DOP1A: variants seen among roughly 807,000 people sequenced by gnomAD.
DOP1A encodes the protein DOP1 leucine zipper like protein A.
Under a neutral mutation model 267.6 loss-of-function variants are expected in DOP1A, and 90 were observed. The observed-to-expected ratio is 0.34, with a 90% CI of 0.28 to 0.40. The LOEUF is 0.40. Ranked by LOEUF, DOP1A falls within the 10% of genes least tolerant of loss-of-function variation. DOP1A has a pLI of 1.00. For synonymous variants in DOP1A, 932 were observed against 999.1 expected, an observed-to-expected ratio of 0.93 and a Z score of 1.27; for missense variants, 2,437 against 2,900.4, an observed-to-expected ratio of 0.84 and a Z score of 3.67.
intron 3 of DOP1A, among the ~76,000 whole-genome samples, chr6:83,099,737 C>T (rs186462193): frequency 4.0e-5 from 6 of 148,700 alleles, no homozygotes; most frequent in East Asian, 2.0e-4. Context: ...TATATACACA[C>T]GTATACATAT....
At chr6:83,169,138 CA>C, downstream of DOP1A, 1 of 1,546,056 alleles carries the variant, frequency 6.5e-7, no homozygotes, top group East Asian at 2.4e-5. Context: ...GCATTGTAAA[CA>C]TTATGATTAT....
chr6:83,067,874 C>G (rs919071890), intron 1 of DOP1A, 95 bp downstream of exon 1: 1 of 152,352 alleles, frequency 6.6e-6, no homozygotes, highest in African/African-American at 2.4e-5. Flanking sequence ...GCGGGGACGC[C>G]TTGCGAGTCT....
intron 36 of DOP1A, 144 bp downstream of exon 36, chr6:83,158,766 GT>G: frequency 1.5e-6 from 1 of 663,688 alleles, no homozygotes; most frequent in Non-Finnish European, 2.5e-6. Context: ...ATATAATGTA[GT>G]TTTACTTATT....
rs111900417 is a variant in DOP1A, at chr6:83,153,778, C to T, written c.6240-116C>T. On this transcript the variant is annotated intron_variant, in intron 31 of 38. Coordinates refer to ENST00000349129, the MANE Select transcript of DOP1A (RefSeq NM_015018.4). Reference sequence around the variant, plus strand: ...TTCATATATTATTTTTCTTATGGTGCTTTCTATTTCATATCTTCATGTCAC... The same window carrying T: ...TTCATATATTATTTTTCTTATGGTGTTTTCTATTTCATATCTTCATGTCAC... 1.1e-4 allele frequency: 138 copies of T among 1,221,398 alleles called. No homozygotes were observed. The African/African-American group carries it at 1.2e-3, about 10-fold the overall frequency. The allele number at this position is 1,221,398 out of a possible 1,614,324, so 75.7% of individuals were successfully genotyped here.
intron 26 of DOP1A, 41 bp downstream of exon 26, chr6:83,147,332 G>A (rs1411708239): frequency 9.6e-7 from 1 of 1,041,742 alleles, no homozygotes; most frequent in Non-Finnish European, 1.4e-6. Flanking sequence ...TATGTTGCTA[G>A]AAACAGAGAA....
At chr6:83,088,871 AATGGTT>A (rs1769808773) in intron 1 of DOP1A, among the ~76,000 whole-genome samples, 1 of 152,196 alleles carries the variant, frequency 6.6e-6, no homozygotes, top group Non-Finnish European at 1.5e-5. Flanking sequence ...ATAGATTATT[AATGGTT>A]ACATCTGTTA....
chr6:83,154,122 A>G (rs1173783834), intron 32 of DOP1A, 58 bp from the exon 33 acceptor site: 1 of 1,608,718 alleles, frequency 6.2e-7, no homozygotes, highest in Non-Finnish European at 8.5e-7. Flanking sequence ...GGAAAGTTAG[A>G]ATACTGTTCT....
At position 83,151,626 on chromosome 6, in the gene DOP1A, T is replaced by C; in HGVS notation, c.5871T>C (p.Ser1957=). Residue 1957 remains serine (S), a synonymous_variant, in exon 28 of 39, where the codon AGT becomes AGC. Coordinates refer to ENST00000349129, the MANE Select transcript of DOP1A (RefSeq NM_015018.4). ...ATGAGTTTATTATGAAAAACCCTAG[T>C]TTGGAAAATAAAAAAGACCAAAGAG... ...VLNEFIMKNP[S]LENKKDQRDL... is the part of the protein sequence containing the mutation. 1.2e-6 allele frequency: 2 copies of C among 1,609,266 alleles called. No individual in the cohort carries two copies. Among genetic ancestry groups the C allele is most frequent in the Non-Finnish European group, 1.7e-6 (2 of 1,178,578 alleles).
chr6:83,141,183 G>C (rs1166923663), intron 23 of DOP1A, among the ~76,000 whole-genome samples: 3 of 151,986 alleles, frequency 2.0e-5, no homozygotes, highest in Non-Finnish European at 4.4e-5. Context: ...GATGGAGAAG[G>C]GCTCAAAAGC....
chr6:83,170,235 A>C, downstream of DOP1A: 4 of 1,406,688 alleles, frequency 2.8e-6, no homozygotes, highest in Non-Finnish European at 3.0e-6. Context: ...GATTCTAAAA[A>C]CCATTAAAAT....
chr6:83,151,831 A>C, intron 28 of DOP1A, 52 bp from the exon 29 acceptor site: 2 of 1,555,220 alleles, frequency 1.3e-6, no homozygotes, highest in Non-Finnish European at 1.8e-6. Context: ...AGAAGTTCAT[A>C]ACTAGTGTGC....
chr6:83,081,317 AG>A (rs1043667308), intron 1 of DOP1A, among the ~76,000 whole-genome samples: 45 of 152,212 alleles, frequency 3.0e-4, no homozygotes, highest in African/African-American at 1.1e-3. Flanking sequence ...CATGTTGGCC[AG>A]GCTGGTCTCC....
At chr6:83,144,772 C>T (rs1286873065) in intron 24 of DOP1A, among the ~76,000 whole-genome samples, 1 of 151,776 alleles carries the variant, frequency 6.6e-6, no homozygotes, top group Non-Finnish European at 1.5e-5. Flanking sequence ...TGGAAAAGAA[C>T]ATAAAGAGTT....
At chr6:83,090,935 G>A (rs546798746) in intron 1 of DOP1A, among the ~76,000 whole-genome samples, 3 of 151,972 alleles carry the variant, frequency 2.0e-5, no homozygotes, top group Admixed American at 6.6e-5. Context: ...TTTGACTATT[G>A]TATTAGTTTT....
At chr6:83,167,719 G>GTTT in intron 38 of DOP1A, 143 bp from the exon 39 acceptor site, 1 of 1,412,760 alleles carries the variant, frequency 7.1e-7, no homozygotes. Context: ...AGCACCAAGG[G>GTTT]TTTTGATCAG....
rs763186216 is a variant in DOP1A, at chr6:83,152,334, A to T, written c.6096A>T (p.Val2032=). The T allele has an allele frequency of 3.2e-6, 5 of 1,562,626 alleles. No homozygotes were observed. In the East Asian group the frequency reaches 1.2e-4, roughly 37 times the overall value. Residue 2032 remains valine (V), a synonymous_variant, in exon 30 of 39, where the codon GTA becomes GTT. Transcript: ENST00000349129. ...AMETANITPS[V]YSVHALTLLS... ...AAACCGCAAACATAACTCCTTCTGTATATAGTGTCCATGCATTGACATTAC... is the reference window on the plus strand; with the variant it reads ...AAACCGCAAACATAACTCCTTCTGTTTATAGTGTCCATGCATTGACATTAC...
At chr6:83,128,384 C>T (rs1777518072) in intron 15 of DOP1A, among the ~76,000 whole-genome samples, 1 of 152,138 alleles carries the variant, frequency 6.6e-6, no homozygotes, top group African/African-American at 2.4e-5. Context: ...CTACCTAATA[C>T]AGTGTCTGGC....
At chr6:83,081,169 TG>T (rs1465855314) in intron 1 of DOP1A, among the ~76,000 whole-genome samples, 1 of 152,196 alleles carries the variant, frequency 6.6e-6, no homozygotes, top group Non-Finnish European at 1.5e-5. Context: ...TTGCCCGGGC[TG>T]GGGTGCAGTG....
downstream of DOP1A, chr6:83,169,377 A>G (rs759931070): frequency 1.5e-5 from 24 of 1,601,624 alleles, no homozygotes; most frequent in Non-Finnish European, 2.0e-5. Context: ...TGTGTCTAAC[A>G]TGGGCAAGAC....
Sources: gnomAD v4.1 joint callset for allele counts (sites outside exome capture counted in the v4.1 genomes callset) on GRCh38, gnomAD v4.1.1 for gene constraint, MANE v1.5 for transcripts, NCBI Gene and HGNC (gene_info 2026-07-23, HGNC 2026-07-21) for gene names.